The following TIGD2 variants were observed in gnomAD, a reference collection of about 807,000 sequenced individuals.
TIGD2 encodes the protein tigger transposable element derived 2.
In TIGD2, 14 loss-of-function variants were observed where a neutral mutation model predicts 27.0. The ratio of observed to expected loss-of-function variants is 0.52; its 90% CI spans 0.34 to 0.81. The LOEUF (loss-of-function observed/expected upper bound fraction) is 0.81. Among genes scored for constraint, TIGD2 ranks in the 30% least tolerant of loss-of-function variants. The pLI is 0.01. For synonymous variants in TIGD2, 201 were observed against 209.0 expected (o/e 0.96, Z 0.33); for missense variants, 590 against 617.3 (o/e 0.96, Z 0.47).
rs377673646 is a variant in TIGD2 at position 89,113,052 on chromosome 4, C to G, written c.78C>G (p.Ile26Met). 1.2e-6 allele frequency: 2 copies of G among 1,612,500 alleles called. No homozygotes were observed. The highest frequency in any genetic ancestry group is 1.7e-6 in the Non-Finnish European group (2 of 1,179,602). The change falls in exon 2 of 2, where the codon ATC becomes ATG. Residue 26 changes from isoleucine (I) to methionine (M), a missense_variant. Ile to Met is a conservative substitution (Grantham distance 10). Coordinates refer to ENST00000603357, the MANE Select transcript of TIGD2 (RefSeq NM_145715.3). ...TTATTAAGAAACTTGAGGAAGGCAT[C>G]TCTTTCAAAAAACTTTCCGTGGTGT... ...LDIIKKLEEG[I>M]SFKKLSVVYG...
In TIGD2 at chr4:89,114,184, G is replaced by T; in HGVS notation, c.1210G>T (p.Ala404Ser). 6.2e-7 allele frequency: 1 copy of T among 1,614,128 alleles called. No homozygotes were observed. Among genetic ancestry groups the T allele is most frequent in the African/African-American group, 1.3e-5 (1 of 75,050 alleles). Residue 404 changes from alanine (A) to serine (S), a missense_variant, in exon 2 of 2, where the codon GCC (alanine) becomes TCC (serine). This residue lies in a region of TIGD2 where 451 missense variants were observed against 448.0 expected (regional missense o/e 1.01). Transcript: ENST00000603357. Reference protein sequence around the residue: ...ENSGMNIDEGAILAANLATVL... With the variant: ...ENSGMNIDEGSILAANLATVL... ...TTCAGGTATGAACATTGATGAAGGAGCCATTTTAGCAGCTAATTTAGCAAC... is the reference window on the plus strand; with the variant it reads ...TTCAGGTATGAACATTGATGAAGGATCCATTTTAGCAGCTAATTTAGCAAC...
chr4:89,114,703 T>C lies in TIGD2; in HGVS notation c.*151T>C. 6 of 748,340 alleles carry C rather than the reference T, an allele frequency of 8.0e-6. No individual in the cohort carries two copies. Among genetic ancestry groups the C allele is most frequent in the Middle Eastern group, 3.9e-4 (1 of 2,546 alleles). The allele number at this position is 748,340 out of a possible 1,614,324, so 46.4% of individuals were successfully genotyped here. On this transcript the variant is annotated 3_prime_UTR_variant, in exon 2 of 2. Transcript: ENST00000603357. ...CAGTTTGGATTACTTAAATTACAAC[T>C]CTTTAATGTTGACTCTAGTCATTGG...
rs772478879 is a variant in TIGD2 at position 89,113,582 on chromosome 4, G to C, written c.608G>C (p.Arg203Thr). Residue 203 changes from arginine to threonine, a missense_variant, in exon 2 of 2, where the codon AGG becomes ACG. Arg to Thr is a moderately conservative substitution (Grantham distance 71, BLOSUM62 -1). Coordinates refer to ENST00000603357, the MANE Select transcript of TIGD2 (RefSeq NM_145715.3). The part of the protein sequence containing the change: ...LETDQSTSGC[R>T]SSRERIIIMC... ...ACTGACCAAAGTACTTCTGGGTGTA[G>C]GTCAAGCAGAGAGAGAATCATCATT... The C allele has an allele frequency of 1.2e-6, 2 of 1,614,122 alleles. No individual in the cohort carries two copies. Among genetic ancestry groups the C allele is most frequent in the Admixed American group, 1.7e-5 (1 of 60,018 alleles).
At chr4:89,111,370 C>T (rs146190477), upstream of TIGD2, 10,360 of 303,706 alleles carry the variant, frequency 0.034, 208 homozygotes, top group Non-Finnish European at 0.041. Flanking sequence ...AACGGCCAGG[C>T]GGTGAGTGGA....
Position 89,113,058 on chromosome 4 carries a change from C to CA in TIGD2, c.90dup (p.Leu31ThrfsTer9), listed in dbSNP as rs767961823. 1 of 1,612,494 alleles carries CA rather than the reference C, an allele frequency of 6.2e-7. No individual in the cohort carries two copies. The highest frequency in any genetic ancestry group is 8.5e-7 in the Non-Finnish European group (1 of 1,179,606). ...AGAAACTTGAGGAAGGCATCTCTTT[C>CA]AAAAAACTTTCCGTGGTGTACGGAA... On this transcript the variant is annotated frameshift_variant, in exon 2 of 2. Transcript: ENST00000603357. LOFTEE classifies it low-confidence loss of function (END_TRUNC).
At position 89,113,382 on chromosome 4, in the gene TIGD2, A is replaced by G. The variant is rs762204838; in HGVS notation, c.408A>G (p.Pro136=). The change falls in exon 2 of 2, where the codon CCA becomes CCG. Residue 136 remains proline (P), a synonymous_variant. Coordinates refer to ENST00000603357, the MANE Select transcript of TIGD2 (RefSeq NM_145715.3). ...LTRFKQRHGI[P]KAAGKGTKLK... ...GATTTAAGCAGCGCCATGGTATTCC[A>G]AAGGCTGCTGGTAAAGGAACAAAAT... is the stretch of plus-strand genomic sequence containing the variant. 14 of 1,614,074 alleles carry G rather than the reference A, an allele frequency of 8.7e-6. No homozygotes were observed. Among genetic ancestry groups the G allele is most frequent in the Non-Finnish European group, 9.3e-6 (11 of 1,180,044 alleles).
At position 89,113,957 on chromosome 4, in the gene TIGD2, A is replaced by G; in HGVS notation, c.983A>G (p.Gln328Arg). 6.2e-7 allele frequency: 1 copy of G among 1,614,068 alleles called. No individual in the cohort carries two copies. Among genetic ancestry groups the G allele is most frequent in the South Asian group, 1.1e-5 (1 of 91,062 alleles). The change falls in exon 2 of 2, where the codon CAG (glutamine) becomes CGG (arginine). Residue 328 changes from glutamine (Q) to arginine (R), a missense_variant. Physicochemically the swap from Gln to Arg is conservative, Grantham distance 43. Coordinates refer to ENST00000603357, the MANE Select transcript of TIGD2 (RefSeq NM_145715.3). ...NVTSLIQPMS[Q>R]GVLATVKRYY... is the part of the protein sequence containing the mutation. Reference sequence around the variant, plus strand: ...ACAAGTCTGATTCAACCAATGAGCCAGGGAGTTCTAGCCACTGTAAAAAGA... The same window carrying G: ...ACAAGTCTGATTCAACCAATGAGCCGGGGAGTTCTAGCCACTGTAAAAAGA...
chr4:89,114,324 T>G lies in TIGD2; in HGVS notation c.1350T>G (p.Ala450=), dbSNP rs765873866. 1 of 1,614,120 alleles carries G rather than the reference T, an allele frequency of 6.2e-7. No homozygotes were observed. The highest frequency in any genetic ancestry group is 1.1e-5 in the South Asian group (1 of 91,084). ...AGGTGCTGACTGACAGTGAAAGTGC[T>G]GAGGACCAGACCAAGGCTGCTGAGC... ...SCQVLTDSES[A]EDQTKAAEQK... is the part of the protein sequence containing the mutation. Residue 450 remains alanine, a synonymous_variant, in exon 2 of 2, where the codon GCT becomes GCG. Coordinates refer to ENST00000603357, the MANE Select transcript of TIGD2 (RefSeq NM_145715.3).
rs1163121532 is a variant in TIGD2 at position 89,114,683 on chromosome 4, TG to T, written c.*133del. On this transcript the variant is annotated 3_prime_UTR_variant, in exon 2 of 2. Coordinates refer to ENST00000603357, the MANE Select transcript of TIGD2 (RefSeq NM_145715.3). ...ATGATTTTGGAATTAGATGTCAGTT[TG>T]GATTACTTAAATTACAACTCTTTAA... 2.1e-6 allele frequency: 2 copies of T among 938,710 alleles called. No homozygotes were observed. The highest frequency in any genetic ancestry group is 3.3e-5 in the African/African-American group (2 of 60,082). 58.1% of individuals were successfully genotyped at this position (938,710 alleles called of 1,614,324 possible). A position where few individuals can be genotyped will look rare whatever the true frequency, so the allele number is the denominator to read the frequency against.
At position 89,112,864 on chromosome 4, in the gene TIGD2, C is replaced by G. The variant is rs1354764479; in HGVS notation, c.-111C>G. On this transcript the variant is annotated 5_prime_UTR_variant, in exon 2 of 2. Coordinates refer to ENST00000603357, the MANE Select transcript of TIGD2 (RefSeq NM_145715.3). ...AAATTGGTCACTATCCATCTAGGCC[C>G]TAGAAGTGAGAGGAGGAATCTTACG... The G allele has an allele frequency of 1.9e-5, 18 of 958,412 alleles. No homozygotes were observed. In the South Asian group the frequency reaches 2.1e-4, roughly 11 times the overall value. 59.4% of individuals were successfully genotyped at this position (958,412 alleles called of 1,614,324 possible).
In TIGD2 at chr4:89,113,296, T is replaced by C; in HGVS notation, c.322T>C (p.Phe108Leu). ...SGTICAKQAK[F>L]FFDALGMEGD... ...AACGATTTGTGCAAAACAAGCCAAG[T>C]TCTTTTTTGATGCTTTGGGAATGGA... The change falls in exon 2 of 2, where the codon TTC (phenylalanine) becomes CTC (leucine). Residue 108 changes from phenylalanine to leucine, a missense_variant. Around this residue, in one of 3 missense-constraint regions of TIGD2, gnomAD observed 47 missense variants for 79.7 expected, o/e 0.59. Transcript: ENST00000603357. 4 of 1,614,146 alleles carry C rather than the reference T, an allele frequency of 2.5e-6. No individual in the cohort carries two copies. The South Asian group carries it at 3.3e-5, about 13-fold the overall frequency.
Position 89,113,040 on chromosome 4 carries a change from TGAG to T in TIGD2, c.69_71del (p.Glu24del), listed in dbSNP as rs868326698. The T allele has an allele frequency of 2.5e-6, 4 of 1,611,466 alleles. No homozygotes were observed. The highest frequency in any genetic ancestry group is 3.4e-6 in the Non-Finnish European group (4 of 1,179,356). On this transcript the variant is annotated inframe_deletion, in exon 2 of 2. Transcript: ENST00000603357. ...ACAAGCTTGACATTATTAAGAAACTTGAGGAAGGCATCTCTTTCAAAAAACTTT... is the reference window on the plus strand; with the variant it reads ...ACAAGCTTGACATTATTAAGAAACTTGAAGGCATCTCTTTCAAAAAACTTT...
At chr4:89,111,504 C>G (rs545529067), upstream of TIGD2, 5 of 152,242 alleles carry the variant, frequency 3.3e-5, no homozygotes. Context: ...GCCGGCACAA[C>G]GTTCTGCGGG....
In TIGD2 at chr4:89,114,349, C is replaced by G. The variant is rs757425154; in HGVS notation, c.1375C>G (p.Gln459Glu). The stretch of plus-strand genomic sequence containing the variant: ...TGAGGACCAGACCAAGGCTGCTGAG[C>G]AAAAGCCTTCCAGTAAGAGTAGAAA... The part of the protein sequence containing the change: ...SAEDQTKAAE[Q>E]KPSSKSRKTE... Residue 459 changes from glutamine to glutamate, a missense_variant, in exon 2 of 2, where the codon CAA (glutamine) becomes GAA (glutamate). Coordinates refer to ENST00000603357, the MANE Select transcript of TIGD2 (RefSeq NM_145715.3). The G allele has an allele frequency of 6.2e-7, 1 of 1,613,966 alleles. No homozygotes were observed. The highest frequency in any genetic ancestry group is 8.5e-7 in the Non-Finnish European group (1 of 1,179,952).
Position 89,113,984 on chromosome 4 carries a change from A to G in TIGD2, c.1010A>G (p.Tyr337Cys). The G allele has an allele frequency of 6.2e-7, 1 of 1,614,088 alleles. No homozygotes were observed. The highest frequency in any genetic ancestry group is 1.1e-5 in the South Asian group (1 of 91,054). ...SQGVLATVKR[Y>C]YRAGLLQKYM... is the part of the protein sequence containing the mutation. ...GGAGTTCTAGCCACTGTAAAAAGATACTATCGAGCAGGACTTCTCCAGAAA... is the reference window on the plus strand; with the variant it reads ...GGAGTTCTAGCCACTGTAAAAAGATGCTATCGAGCAGGACTTCTCCAGAAA... The change falls in exon 2 of 2, where the codon TAC becomes TGC. Residue 337 changes from tyrosine (Y) to cysteine (C), a missense_variant. This residue lies in a region of TIGD2 where 451 missense variants were observed against 448.0 expected (regional missense o/e 1.01). Coordinates refer to ENST00000603357, the MANE Select transcript of TIGD2 (RefSeq NM_145715.3).
At chr4:89,111,266 A>T (rs946575272), upstream of TIGD2, 4 of 962,620 alleles carry the variant, frequency 4.2e-6, no homozygotes, top group African/African-American at 5.3e-5. Context: ...GGGAGAAAAG[A>T]GCCTCGTCGG....
At position 89,114,289 on chromosome 4, in the gene TIGD2, TC is replaced by T; in HGVS notation, c.1316del (p.Ser439Ter). ...GTGGTTCGACTCTCGGAGCAGTGAC[TC>T]AAGCTGTCAGGTGCTGACTGACAGT... ...DQWFDSRSSD[S>X]SCQVLTDSES... On this transcript the variant is annotated frameshift_variant, in exon 2 of 2. Transcript: ENST00000603357. LOFTEE classifies it high-confidence loss of function. 1 of 1,614,056 alleles carries T rather than the reference TC, an allele frequency of 6.2e-7. No individual in the cohort carries two copies. Among genetic ancestry groups the T allele is most frequent in the Non-Finnish European group, 8.5e-7 (1 of 1,180,030 alleles).
upstream of TIGD2, chr4:89,111,318 G>C (rs532163081): frequency 9.5e-5 from 69 of 728,690 alleles, no homozygotes; most frequent in Middle Eastern, 2.1e-3. Flanking sequence ...CAAGGCGAGC[G>C]TGTGCCTCCC....
rs553308298 is a variant in TIGD2, at chr4:89,113,914, T to C, written c.940T>C (p.Tyr314His). 4 of 1,614,184 alleles carry C rather than the reference T, an allele frequency of 2.5e-6. No individual in the cohort carries two copies. The highest frequency in any genetic ancestry group is 1.1e-5 in the South Asian group (1 of 91,082). ...SSDDGRIIVKYLPPNVTSLIQ... is the reference protein window; with the variant it reads ...SSDDGRIIVKHLPPNVTSLIQ... ...AGATGATGGCAGAATAATTGTGAAG[T>C]ATTTGCCACCAAATGTCACAAGTCT... The change falls in exon 2 of 2, where the codon TAT (tyrosine) becomes CAT (histidine). Residue 314 changes from tyrosine to histidine, a missense_variant. Physicochemically the swap from Tyr to His is moderately conservative, Grantham distance 83. Coordinates refer to ENST00000603357, the MANE Select transcript of TIGD2 (RefSeq NM_145715.3).
Sources: allele counts gnomAD v4.1 joint callset, GRCh38; gene constraint gnomAD v4.1.1; regional missense constraint gnomAD v4.1.1; transcripts MANE v1.5; gene names NCBI Gene and HGNC (gene_info 2026-07-23, HGNC 2026-07-21).